The following CPLX2 variants were observed in gnomAD, a reference collection of about 807,000 sequenced individuals.
CPLX2 encodes complexin 2, also known as complexin-2.
A neutral mutation model predicts 16.3 loss-of-function variants in CPLX2; 5 were observed. The ratio of observed to expected loss-of-function variants is 0.31; its 90% CI spans 0.16 to 0.64. The LOEUF (loss-of-function observed/expected upper bound fraction) is 0.64. Ranked by LOEUF, CPLX2 falls within the 30% of genes least tolerant of loss-of-function variation. CPLX2 has a pLI of 0.79. For synonymous variants in CPLX2, 89 were observed against 73.2 expected, an observed-to-expected ratio of 1.22 and a Z score of -1.10; for missense variants, 144 against 181.4, an observed-to-expected ratio of 0.79 and a Z score of 1.18.
At chr5:175,864,986 G>C (rs890440598) in intron 2 of CPLX2, among the ~76,000 whole-genome samples, 1 of 152,164 alleles carries the variant, frequency 6.6e-6, no homozygotes, top group African/African-American at 2.4e-5. Context: ...TAGATGACCA[G>C]AAATTTCTCT....
rs150100158 is a variant in CPLX2, at chr5:175,804,102, A to G, written c.-168-4887A>G. 1.4e-3 allele frequency among the ~76,000 whole-genome samples: 214 copies of G among 152,348 alleles called. 3 individuals carry two copies. Among genetic ancestry groups the G allele is most frequent in the African/African-American group, 4.9e-3 (205 of 41,576 alleles). ...CAATTTTTTTTTAAATTAATGCAAA[A>G]AAACCGTGATGAATAAAATATCAAA... is the stretch of plus-strand genomic sequence containing the variant. On this transcript the variant is annotated intron_variant, in intron 1 of 4. Transcript: ENST00000359546.
chr5:175,824,303 C>T (rs1449705792), intron 2 of CPLX2, among the ~76,000 whole-genome samples: 1 of 152,230 alleles, frequency 6.6e-6, no homozygotes, highest in Non-Finnish European at 1.5e-5. Flanking sequence ...AGGTAAGCCA[C>T]GAGGTGAGGT....
intron 2 of CPLX2, among the ~76,000 whole-genome samples, chr5:175,821,697 C>T (rs2113645606): frequency 6.6e-6 from 1 of 152,346 alleles, no homozygotes; most frequent in South Asian, 2.1e-4. Flanking sequence ...CGTGAGCCAC[C>T]ACGCCCGGCC....
rs1282718950 is a variant in CPLX2, at chr5:175,845,101, T to C, written c.-88-33551T>C. Among the ~76,000 whole-genome samples, 1 of 152,218 alleles carries C rather than the reference T, an allele frequency of 6.6e-6. No homozygotes were observed. Among genetic ancestry groups the C allele is most frequent in the African/African-American group, 2.4e-5 (1 of 41,446 alleles). On this transcript the variant is annotated intron_variant, in intron 2 of 4. Coordinates refer to the CPLX2 transcript ENST00000359546. This position sits in a 1 kb window ranked among gnomAD's most constrained non-coding sequence, Gnocchi z 4.0. ...GAGCCTTCCGTGCCCATGGAAGCAC[T>C]TGCCTGCAGCTTCTGTGGCCAACAG...
At chr5:175,824,468 C>G (rs1758571530) in intron 2 of CPLX2, among the ~76,000 whole-genome samples, 1 of 152,220 alleles carries the variant, frequency 6.6e-6, no homozygotes, top group Non-Finnish European at 1.5e-5. Context: ...CTCTCATTTC[C>G]CAAAGGAGGA....
chr5:175,802,325 G>A lies in CPLX2; in HGVS notation c.-169+5541G>A, dbSNP rs142531707. ...CACCACTGCCCACACTTTCCCTGCC[G>A]CCCCCTCAATCTGCAACAAGCATTG... On this transcript the variant is annotated intron_variant, in intron 1 of 4. Transcript: ENST00000359546. 1.5e-4 allele frequency among the ~76,000 whole-genome samples: 23 copies of A among 152,202 alleles called. No individual in the cohort carries two copies. The East Asian group carries it at 2.9e-3, about 19-fold the overall frequency.
At chr5:175,851,770 G>A (rs886389724) in intron 2 of CPLX2, among the ~76,000 whole-genome samples, 6 of 152,204 alleles carry the variant, frequency 3.9e-5, no homozygotes, top group African/African-American at 1.4e-4. Flanking sequence ...AATCAACGCC[G>A]GGGCTGTCCT....
intron 2 of CPLX2, among the ~76,000 whole-genome samples, chr5:175,810,579 G>A (rs1758295940): frequency 6.6e-6 from 1 of 152,158 alleles, no homozygotes; most frequent in African/African-American, 2.4e-5. Flanking sequence ...TGTACTGAGT[G>A]TTATATAAGA....
At chr5:175,838,429 G>A (rs926270400) in intron 2 of CPLX2, among the ~76,000 whole-genome samples, 3 of 151,952 alleles carry the variant, frequency 2.0e-5, no homozygotes, top group East Asian at 1.9e-4. Context: ...CACCAAGCCC[G>A]GCTAATTTTT....
chr5:175,824,337 A>T (rs149635236), intron 2 of CPLX2, among the ~76,000 whole-genome samples: 2 of 152,226 alleles, frequency 1.3e-5, no homozygotes. Flanking sequence ...CCCAAAGCTA[A>T]GAAATATAGC....
chr5:175,848,590 G>A (rs897108823), intron 2 of CPLX2, among the ~76,000 whole-genome samples: 5 of 152,220 alleles, frequency 3.3e-5, no homozygotes, highest in African/African-American at 1.2e-4. Flanking sequence ...GGAAGGGTGG[G>A]TGAGGGTCCT....
chr5:175,864,582 C>T (rs1759431703), intron 2 of CPLX2, among the ~76,000 whole-genome samples: 1 of 152,176 alleles, frequency 6.6e-6, no homozygotes, highest in African/African-American at 2.4e-5. Flanking sequence ...GTGAACTGGT[C>T]CGTGTGTTAG....
chr5:175,811,437 T>C (rs779416376), intron 2 of CPLX2, among the ~76,000 whole-genome samples: 12 of 152,130 alleles, frequency 7.9e-5, no homozygotes, highest in Non-Finnish European at 1.0e-4. Context: ...CAAGACTGTG[T>C]CATTTTATTG....
At chr5:175,854,426 G>A (rs183661917) in intron 2 of CPLX2, among the ~76,000 whole-genome samples, 41 of 152,192 alleles carry the variant, frequency 2.7e-4, no homozygotes, top group African/African-American at 8.0e-4. Context: ...CTGGGGAGGC[G>A]CAAATAGTCC....
chr5:175,803,980 G>A (rs1758148443), intron 1 of CPLX2, among the ~76,000 whole-genome samples: 1 of 152,216 alleles, frequency 6.6e-6, no homozygotes, highest in Non-Finnish European at 1.5e-5. Context: ...GACGACATAA[G>A]GCCACCAGGA....
At chr5:175,869,704 C>T (rs1262228749), upstream of CPLX2, among the ~76,000 whole-genome samples, 1 of 152,186 alleles carries the variant, frequency 6.6e-6, no homozygotes, top group Non-Finnish European at 1.5e-5. Context: ...TCCTCAAATC[C>T]TTCAACCTGC....
At chr5:175,815,359 TC>T (rs1230893116) in intron 2 of CPLX2, among the ~76,000 whole-genome samples, 1 of 152,110 alleles carries the variant, frequency 6.6e-6, no homozygotes, top group African/African-American at 2.4e-5. Flanking sequence ...GCAAACCCGC[TC>T]GTCAGCAGGC....
intron 2 of CPLX2, among the ~76,000 whole-genome samples, chr5:175,865,580 A>G (rs12656972): frequency 0.67 from 101,225 of 152,178 alleles, 34,098 homozygotes; most frequent in East Asian, 0.95. Context: ...ACTGAGATTC[A>G]TAGAATTTAA....
intron 2 of CPLX2, among the ~76,000 whole-genome samples, chr5:175,864,445 G>C (rs903972173): frequency 6.6e-6 from 1 of 152,156 alleles, no homozygotes; most frequent in Non-Finnish European, 1.5e-5. Flanking sequence ...CTTCCTCAGA[G>C]CTCCCTCTTC....
Sources: gnomAD v4.1 joint callset for allele counts (sites outside exome capture counted in the v4.1 genomes callset) on GRCh38, gnomAD v4.1.1 for gene constraint, Gnocchi (gnomAD v3.1) non-coding constraint, MANE v1.5 for transcripts, NCBI Gene and HGNC (gene_info 2026-07-23, HGNC 2026-07-21) for gene names.